The following COL4A4 variants were observed in gnomAD, a reference collection of about 807,000 sequenced individuals.
COL4A4 encodes the protein collagen alpha-4(IV) chain.
Under a neutral mutation model 192.9 loss-of-function variants are expected in COL4A4, and 105 were observed. The ratio of observed to expected loss-of-function variants is 0.54; its 90% CI spans 0.46 to 0.64. COL4A4 has a LOEUF of 0.64. Among genes scored for constraint, COL4A4 ranks in the 30% least tolerant of loss-of-function variants. The pLI is 0.00. For missense variants in COL4A4, 1,967 were observed against 2,169.3 expected (o/e 0.91, Z 1.85); for synonymous variants, 762 against 769.9 (o/e 0.99, Z 0.17).
intron 3 of COL4A4, among the ~76,000 whole-genome samples, 188 bp from the exon 4 acceptor site, chr2:227,140,426 A>T (rs971301568): frequency 2.6e-5 from 4 of 152,230 alleles, no homozygotes; most frequent in African/African-American, 9.6e-5. Flanking sequence ...TTATATGAGC[A>T]AGAAGCTTCC....
chr2:227,146,877 T>C (rs2063583817), intron 2 of COL4A4, among the ~76,000 whole-genome samples: 4 of 152,166 alleles, frequency 2.6e-5, no homozygotes, highest in Admixed American at 2.6e-4. Context: ...CAAGGATGCT[T>C]GTCATTATAT....
intron 2 of COL4A4, among the ~76,000 whole-genome samples, chr2:227,146,999 G>A (rs59821593): frequency 0.11 from 16,596 of 152,138 alleles, 3,004 homozygotes; most frequent in African/African-American, 0.38. Context: ...CTTGCCATGT[G>A]ACATAACATA....
chr2:227,048,734 G>T (rs537188638), intron 34 of COL4A4, among the ~76,000 whole-genome samples: 1 of 152,192 alleles, frequency 6.6e-6, no homozygotes, highest in South Asian at 2.1e-4. Flanking sequence ...CATGAAGGAA[G>T]TGAGAAGAGG....
chr2:227,156,372 A>G (rs113358258), intron 1 of COL4A4, among the ~76,000 whole-genome samples: 8 of 147,926 alleles, frequency 5.4e-5, no homozygotes, highest in African/African-American at 2.0e-4. Flanking sequence ...CAGCCAACCT[A>G]GGTGACACAG....
chr2:227,139,441 C>T (rs2063046393), intron 4 of COL4A4, among the ~76,000 whole-genome samples: 1 of 152,238 alleles, frequency 6.6e-6, no homozygotes. Context: ...TAGTGGGCTG[C>T]TGTCAGAACA....
chr2:227,001,571 G>A (rs115156253), downstream of COL4A4, among the ~76,000 whole-genome samples: 499 of 152,270 alleles, frequency 3.3e-3, no homozygotes, highest in Middle Eastern at 0.01. Context: ...ACCAATTCAC[G>A]AATGGGGAAA....
chr2:226,972,921 G>A, the COL4A4 span, among the ~76,000 whole-genome samples: 1 of 133,698 alleles, frequency 7.5e-6, no homozygotes, highest in Non-Finnish European at 1.6e-5. Flanking sequence ...AAGGAAGGAA[G>A]CCTGTAGCAA....
At chr2:227,148,902 C>T (rs910129286) in intron 1 of COL4A4, among the ~76,000 whole-genome samples, 20 of 150,366 alleles carry the variant, frequency 1.3e-4, no homozygotes, top group Non-Finnish European at 1.8e-4. Flanking sequence ...AGTGCAATGG[C>T]GCGATCTTGG....
At chr2:227,090,874 T>TAA (rs61653413) in intron 20 of COL4A4, among the ~76,000 whole-genome samples, 18 of 124,100 alleles carry the variant, frequency 1.5e-4, no homozygotes, top group South Asian at 7.7e-4. Context: ...GGCAGATCCT[T>TAA]AAAAAAAAAA....
chr2:227,044,942 G>A (rs150805007), intron 35 of COL4A4, among the ~76,000 whole-genome samples: 120 of 152,320 alleles, frequency 7.9e-4, no homozygotes, highest in Admixed American at 1.7e-3. Context: ...GTAACCACAG[G>A]AGAACAGGCA....
At chr2:226,990,410 A>G in the COL4A4 span, among the ~76,000 whole-genome samples, 2 of 152,194 alleles carry the variant, frequency 1.3e-5, no homozygotes, top group East Asian at 3.9e-4. Flanking sequence ...AAAAAAAGTG[A>G]TTGCCTCTTT....
chr2:227,066,519 C>T (rs1015621448), intron 25 of COL4A4, among the ~76,000 whole-genome samples: 12 of 152,134 alleles, frequency 7.9e-5, no homozygotes, highest in Admixed American at 5.9e-4. Flanking sequence ...GTGGATCTTT[C>T]GGCAGAAACT....
Position 227,062,531 on chromosome 2 carries a change from T to C in COL4A4, c.2055A>G (p.Pro685=). ...RHGPPGFDGP[P]GPKGFPGPQG... Reference sequence around the variant, plus strand: ...ACAGTAACTTCTCATTGATAATACCTGGAGGTCCATCAAAACCTGGAGGGC... The same window carrying C: ...ACAGTAACTTCTCATTGATAATACCCGGAGGTCCATCAAAACCTGGAGGGC... The change falls in exon 26 of 48, where the codon CCA becomes CCG. Residue 685 remains proline (P), a splice_region_variant and synonymous_variant. Coordinates refer to ENST00000396625, the MANE Select transcript of COL4A4 (RefSeq NM_000092.5). 1 of 1,586,792 alleles carries C rather than the reference T, an allele frequency of 6.3e-7. No homozygotes were observed. The highest frequency in any genetic ancestry group is 1.7e-5 in the Admixed American group (1 of 59,978).
chr2:227,034,081 A>T (rs546184263), intron 37 of COL4A4, among the ~76,000 whole-genome samples: 46 of 152,266 alleles, frequency 3.0e-4, no homozygotes, highest in Non-Finnish European at 6.0e-4. Flanking sequence ...TTTCTGCAGA[A>T]CCTAAGTTTA....
chr2:227,012,128 T>C (rs1963867007), intron 45 of COL4A4, 53 bp downstream of exon 45: 1 of 1,413,676 alleles, frequency 7.1e-7, no homozygotes, highest in Non-Finnish European at 1.0e-6. Flanking sequence ...AGATTTTGTA[T>C]ACAACTCTAA....
At chr2:227,080,986 G>T (rs746437768) in intron 23 of COL4A4, among the ~76,000 whole-genome samples, 2 of 152,174 alleles carry the variant, frequency 1.3e-5, no homozygotes, top group Non-Finnish European at 2.9e-5. Context: ...GGAGCTGCCT[G>T]GGGGTATGAA....
intron 35 of COL4A4, among the ~76,000 whole-genome samples, chr2:227,046,353 T>TA (rs11461685): frequency 0.52 from 77,912 of 151,220 alleles, 20,350 homozygotes; most frequent in South Asian, 0.63. Context: ...AAATTATTGA[T>TA]ATGAGGTGTT....
chr2:227,161,723 C>G (rs1259842163), intron 1 of COL4A4, among the ~76,000 whole-genome samples: 3 of 152,072 alleles, frequency 2.0e-5, no homozygotes, highest in African/African-American at 7.2e-5. Context: ...AGAGTGAGAC[C>G]AGAGACTCTA....
chr2:227,029,670 A>G (rs1967823399), intron 41 of COL4A4, among the ~76,000 whole-genome samples: 1 of 152,244 alleles, frequency 6.6e-6, no homozygotes, highest in Non-Finnish European at 1.5e-5. Context: ...ATGGATACTC[A>G]TTAGTCATCT....
Sources: gnomAD v4.1 joint callset for allele counts (sites outside exome capture counted in the v4.1 genomes callset) on GRCh38, gnomAD v4.1.1 for gene constraint, MANE v1.5 for transcripts, NCBI Gene and HGNC (gene_info 2026-07-23, HGNC 2026-07-21) for gene names.